Variants in KCNK16 observed in about 807,000 individuals in gnomAD.
The protein encoded by KCNK16 is potassium two pore domain channel subfamily K member 16.
A neutral mutation model predicts 23.0 loss-of-function variants in KCNK16; 23 were observed. The observed-to-expected ratio is 1.00, with a 90% confidence interval of 0.72 to 1.41. The LOEUF is 1.41. Ranked by LOEUF, KCNK16 falls within the 40% of genes most tolerant of loss-of-function variation. The probability of loss-of-function intolerance (pLI) is 0.00; values close to 1 mark genes in which losing one functional copy is unlikely to be tolerated. For synonymous variants in KCNK16, 145 were observed against 153.5 expected (o/e 0.94, Z 0.41); for missense variants, 327 against 365.8 (o/e 0.89, Z 0.87).
In KCNK16 at chr6:39,322,561, A is replaced by G. The variant is rs756799811; in HGVS notation, c.-21T>C. 6.4e-7 allele frequency: 1 copy of G among 1,568,978 alleles called. No individual in the cohort carries two copies. The highest frequency in any genetic ancestry group is 1.1e-5 in the South Asian group (1 of 87,554). On this transcript the variant is annotated 5_prime_UTR_variant, in exon 1 of 5. Transcript: ENST00000437525. ...GGCATGCTGTGGCCAGGACCCTGCCAGGGCCGTGGGGCTGGCTATGGGGGA... is the reference window on the plus strand; with the variant it reads ...GGCATGCTGTGGCCAGGACCCTGCCGGGGCCGTGGGGCTGGCTATGGGGGA...
chr6:39,322,672 C>G lies in KCNK16; in HGVS notation c.-132G>C. On this transcript the variant is annotated 5_prime_UTR_variant, in exon 1 of 5. Transcript: ENST00000437525. ...CTGCCCTCCTCCTCGGCACAGGTGT[C>G]TGGAGGCTGGGGAGACTGTTTGAAC... 7.4e-7 allele frequency: 1 copy of G among 1,359,894 alleles called. No homozygotes were observed. Among genetic ancestry groups the G allele is most frequent in the Non-Finnish European group, 9.8e-7 (1 of 1,025,244 alleles). 84.2% of individuals were successfully genotyped at this position (1,359,894 alleles called of 1,614,324 possible).
In KCNK16 at chr6:39,316,901, A is replaced by T. The variant is rs1282311973; in HGVS notation, c.542T>A (p.Leu181Gln). ...GLALFLTLGT[L>Q]VILIFPPMVF... ...CATGGGTGGGAAGATGAGAATGACC[A>T]GCGTCCCCAGGGTCAGGAACAGAGC... The change falls in exon 4 of 5, where the codon CTG (leucine) becomes CAG (glutamine). Residue 181 changes from leucine (L) to glutamine (Q), a missense_variant. Leu to Gln is a moderately radical substitution (Grantham distance 113, BLOSUM62 -2). Transcript: ENST00000437525. 1.2e-6 allele frequency: 2 copies of T among 1,613,986 alleles called. No individual in the cohort carries two copies. The highest frequency in any genetic ancestry group is 3.3e-5 in the Admixed American group (2 of 60,002).
intron 1 of KCNK16, among the ~76,000 whole-genome samples, chr6:39,320,155 C>T (rs1762464407): frequency 6.6e-6 from 1 of 152,202 alleles, no homozygotes; most frequent in African/African-American, 2.4e-5. Flanking sequence ...GTGCTTAGAT[C>T]AGGGCTGGGG....
At position 39,320,927 on chromosome 6, in the gene KCNK16, G is replaced by A. The variant is rs182901995; in HGVS notation, c.213+1401C>T. Among the ~76,000 whole-genome samples, 19 of 152,236 alleles carry A rather than the reference G, an allele frequency of 1.2e-4. No homozygotes were observed. In the East Asian group the frequency reaches 3.5e-3, roughly 28 times the overall value. On this transcript the variant is annotated intron_variant, in intron 1 of 4. Transcript: ENST00000437525. ...CCTGAACTGTTCTCAACCCTGATGT[G>A]GTACTATGGTCCCCCAACTTTGACT...
chr6:39,322,255 A>G (rs1364211010), intron 1 of KCNK16, 73 bp downstream of exon 1: 1 of 1,555,904 alleles, frequency 6.4e-7, no homozygotes, highest in African/African-American at 1.4e-5. Context: ...AGGACTGTGG[A>G]TCTGCCACAG....
chr6:39,322,549 C>A lies in KCNK16; in HGVS notation c.-9G>T. The stretch of plus-strand genomic sequence containing the variant: ...AGCCCAGCACTGGGCATGCTGTGGC[C>A]AGGACCCTGCCAGGGCCGTGGGGCT... On this transcript the variant is annotated 5_prime_UTR_variant, in exon 1 of 5. Coordinates refer to ENST00000437525, the MANE Select transcript of KCNK16 (RefSeq NM_001135106.2). The A allele has an allele frequency of 6.3e-7, 1 of 1,584,192 alleles. No homozygotes were observed. The highest frequency in any genetic ancestry group is 1.1e-5 in the South Asian group (1 of 88,628).
chr6:39,321,128 C>T (rs1193619353), intron 1 of KCNK16, among the ~76,000 whole-genome samples: 9 of 152,156 alleles, frequency 5.9e-5, no homozygotes, highest in Non-Finnish European at 2.9e-5. Flanking sequence ...TGACACACAG[C>T]CTGCAGGACC....
chr6:39,316,206 C>A lies in KCNK16; in HGVS notation c.*13G>T. ...GGAGGATGAAAGGGGTTTCTGGGCC[C>A]CCCCCGGGGGCCTCATGCAGAGATG... On this transcript the variant is annotated 3_prime_UTR_variant, in exon 5 of 5. Coordinates refer to ENST00000437525, the MANE Select transcript of KCNK16 (RefSeq NM_001135106.2). The A allele has an allele frequency of 2.7e-6, 4 of 1,505,642 alleles. No individual in the cohort carries two copies. The highest frequency in any genetic ancestry group is 3.5e-6 in the Non-Finnish European group (4 of 1,128,386). The allele number at this position is 1,505,642 out of a possible 1,614,324, so 93.3% of individuals were successfully genotyped here.
intron 1 of KCNK16, among the ~76,000 whole-genome samples, chr6:39,322,095 G>A (rs75343229): frequency 0.021 from 3,239 of 152,316 alleles, 61 homozygotes; most frequent in Non-Finnish European, 0.028. Context: ...TTATAGATGA[G>A]GCTGTTTGGG....
chr6:39,316,946 A>C lies in KCNK16; in HGVS notation c.497T>G (p.Val166Gly). 1 of 1,609,110 alleles carries C rather than the reference A, an allele frequency of 6.2e-7. No homozygotes were observed. Among genetic ancestry groups the C allele is most frequent in the Non-Finnish European group, 8.5e-7 (1 of 1,178,182 alleles). The change falls in exon 4 of 5, where the codon GTA becomes GGA. Residue 166 changes from valine to glycine, a missense_variant and splice_region_variant. Coordinates refer to ENST00000437525, the MANE Select transcript of KCNK16 (RefSeq NM_001135106.2). ...CAGAGCCAGGCCCAGGACTTGCAGTACCTAGGAGGGAGGGAGTTGGCCTCT... is the reference window on the plus strand; with the variant it reads ...CAGAGCCAGGCCCAGGACTTGCAGTCCCTAGGAGGGAGGGAGTTGGCCTCT... ...RWEDRPRRSQ[V>G]LQVLGLALFL...
chr6:39,315,193 C>A, downstream of KCNK16: 1 of 1,614,214 alleles, frequency 6.2e-7, no homozygotes, highest in Non-Finnish European at 8.5e-7. Flanking sequence ...GAGGCAAAGG[C>A]CAAAATTTCC....
chr6:39,316,258 A>G lies in KCNK16; in HGVS notation c.846T>C (p.Ser282=), dbSNP rs1430417727. 1 of 1,573,158 alleles carries G rather than the reference A, an allele frequency of 6.4e-7. No individual in the cohort carries two copies. Among genetic ancestry groups the G allele is most frequent in the Non-Finnish European group, 8.6e-7 (1 of 1,159,908 alleles). Reference sequence around the variant, plus strand: ...GGATCTTCTGAGGCCTGGGGAGCCCACTGGGGTCAGAGGCTGCCCCATCCT... The same window carrying G: ...GGATCTTCTGAGGCCTGGGGAGCCCGCTGGGGTCAGAGGCTGCCCCATCCT... ...GVKDGAASDP[S]GLPRPQKIPI... Residue 282 remains serine, a synonymous_variant, in exon 5 of 5, where the codon AGT becomes AGC. Transcript: ENST00000437525.
downstream of KCNK16, chr6:39,315,210 C>G (rs766160967): frequency 3.7e-5 from 60 of 1,613,858 alleles, no homozygotes; most frequent in Non-Finnish European, 5.0e-5. Context: ...TTCCAGGCCC[C>G]GGGATGGAGT....
rs747066664 is a variant in KCNK16, at chr6:39,316,212, G to C, written c.*7C>G. ...TGAAAGGGGTTTCTGGGCCCCCCCC[G>C]GGGGCCTCATGCAGAGATGGGGATC... is the stretch of plus-strand genomic sequence containing the variant. On this transcript the variant is annotated 3_prime_UTR_variant, in exon 5 of 5. Transcript: ENST00000437525. The C allele has an allele frequency of 2.0e-6, 3 of 1,512,316 alleles. No homozygotes were observed. Among genetic ancestry groups the C allele is most frequent in the Non-Finnish European group, 1.8e-6 (2 of 1,130,506 alleles). The allele number at this position is 1,512,316 out of a possible 1,614,324, so 93.7% of individuals were successfully genotyped here.
downstream of KCNK16, chr6:39,314,805 G>T: frequency 1.7e-6 from 1 of 576,224 alleles, no homozygotes; most frequent in Non-Finnish European, 3.0e-6. Flanking sequence ...AGACCACCTT[G>T]GGTCTCCCAC....
chr6:39,320,656 G>A (rs575477674), intron 1 of KCNK16, among the ~76,000 whole-genome samples: 1 of 152,316 alleles, frequency 6.6e-6, no homozygotes, highest in African/African-American at 2.4e-5. Flanking sequence ...CTGAGGCTGA[G>A]GACTCTCAGG....
At chr6:39,316,554 G>A in intron 4 of KCNK16, 112 bp from the exon 5 acceptor site, 2 of 1,364,094 alleles carry the variant, frequency 1.5e-6, no homozygotes, top group South Asian at 1.4e-5. Context: ...CTCATAACAA[G>A]GAACAGCAGT....
downstream of KCNK16, chr6:39,314,748 C>T (rs1255193037): frequency 2.0e-6 from 1 of 489,982 alleles, no homozygotes; most frequent in Admixed American, 3.8e-5. Context: ...TGCCTAAGTT[C>T]TTGGACTCGG....
chr6:39,317,044 GC>G, intron 3 of KCNK16, 97 bp from the exon 4 acceptor site: 1 of 1,251,692 alleles, frequency 8.0e-7, no homozygotes, highest in Non-Finnish European at 1.1e-6. Context: ...ATGGGACTGG[GC>G]CATAGCTAGG....
Sources: gnomAD v4.1 joint callset for allele counts (sites outside exome capture counted in the v4.1 genomes callset) on GRCh38, gnomAD v4.1.1 for gene constraint, MANE v1.5 for transcripts, NCBI Gene and HGNC (gene_info 2026-07-23, HGNC 2026-07-21) for gene names.